The following CAMTA1 variants were observed in gnomAD, a reference collection of about 807,000 sequenced individuals.
CAMTA1 encodes calmodulin-binding transcription activator 1.
In CAMTA1, 27 loss-of-function variants were observed where a neutral mutation model predicts 170.9. The observed-to-expected ratio is 0.16, with a 90% CI of 0.12 to 0.22. The LOEUF is 0.22. Ranked by LOEUF, CAMTA1 falls within the 10% of genes least tolerant of loss-of-function variation. The pLI, the probability that CAMTA1 is intolerant of heterozygous loss-of-function variation, is 1.00. For missense variants in CAMTA1, 1,619 were observed against 2,217.2 expected (o/e 0.73, Z 5.42); for synonymous variants, 833 against 891.5 (o/e 0.93, Z 1.17).
Position 7,661,710 on chromosome 1 carries a change from G to C in CAMTA1, c.665-16G>C, listed in dbSNP as rs771326965. On this transcript the variant is annotated splice_polypyrimidine_tract_variant and intron_variant, in intron 7 of 22. Transcript: ENST00000303635. The stretch of plus-strand genomic sequence containing the variant: ...ACCCACGGGCTCTGACAGCCCCCCT[G>C]CCTCTCTCTTCACAGTCCATGGCAT... 7 of 1,613,744 alleles carry C rather than the reference G, an allele frequency of 4.3e-6. No individual in the cohort carries two copies. The South Asian group carries it at 7.7e-5, about 18-fold the overall frequency.
intron 3 of CAMTA1, among the ~76,000 whole-genome samples, chr1:6,899,612 A>T (rs571794974): frequency 1.3e-5 from 2 of 151,556 alleles, no homozygotes; most frequent in African/African-American, 4.8e-5. Flanking sequence ...ACTATCTCAT[A>T]ATAAAGTTGT....
intron 7 of CAMTA1, among the ~76,000 whole-genome samples, chr1:7,660,323 T>C (rs2149125156): frequency 6.6e-6 from 1 of 152,364 alleles, no homozygotes; most frequent in East Asian, 1.9e-4. Context: ...CACTTTGGCC[T>C]TCCAAAGTAT....
At chr1:7,104,223 CACA>C (rs1335419734) in intron 4 of CAMTA1, among the ~76,000 whole-genome samples, 9 of 146,932 alleles carry the variant, frequency 6.1e-5, no homozygotes, top group Admixed American at 2.0e-4. Flanking sequence ...GTACACACAA[CACA>C]ACTACACACG....
At chr1:7,355,369 A>C (rs2085026335) in intron 5 of CAMTA1, among the ~76,000 whole-genome samples, 1 of 152,168 alleles carries the variant, frequency 6.6e-6, no homozygotes. Context: ...TGGGCAACAG[A>C]GCAAGACCCT....
chr1:7,578,566 C>G (rs1028527462), intron 6 of CAMTA1, among the ~76,000 whole-genome samples: 1 of 152,204 alleles, frequency 6.6e-6, no homozygotes, highest in Non-Finnish European at 1.5e-5. Context: ...CTCCCATATC[C>G]GTGGCAATGG....
At position 6,917,486 on chromosome 1, in the gene CAMTA1, G is replaced by A. The variant is rs151331758; in HGVS notation, c.234+92276G>A. Among the ~76,000 whole-genome samples the A allele has an allele frequency of 2.5e-3, 379 of 151,908 alleles. 3 individuals are homozygous for A. Among genetic ancestry groups the A allele is most frequent in the South Asian group, 0.013 (61 of 4,804 alleles). Reference sequence around the variant, plus strand: ...TGGCCCAGAGTGTGGCAATGGAGCTGGAGAGAAGTGACAGATTCAAGAGAT... The same window carrying A: ...TGGCCCAGAGTGTGGCAATGGAGCTAGAGAGAAGTGACAGATTCAAGAGAT... On this transcript the variant is annotated intron_variant, in intron 3 of 22. Coordinates refer to ENST00000303635, the MANE Select transcript of CAMTA1 (RefSeq NM_015215.4).
chr1:7,489,556 T>C (rs1269084826), intron 6 of CAMTA1, among the ~76,000 whole-genome samples: 1 of 152,178 alleles, frequency 6.6e-6, no homozygotes, highest in Non-Finnish European at 1.5e-5. Context: ...GTGCTAGGGT[T>C]GCAGGGGTGA....
intron 11 of CAMTA1, among the ~76,000 whole-genome samples, chr1:7,715,265 G>A (rs1255063490): frequency 6.6e-6 from 1 of 152,118 alleles, no homozygotes; most frequent in Non-Finnish European, 1.5e-5. Context: ...AGGGATTCGA[G>A]AGAGAGGATC....
intron 11 of CAMTA1, among the ~76,000 whole-genome samples, chr1:7,695,020 T>C (rs114756001): frequency 0.015 from 2,268 of 152,298 alleles, 26 homozygotes; most frequent in Middle Eastern, 0.075. Flanking sequence ...AAATGCATCA[T>C]TGCTCTAATT....
At chr1:6,904,733 A>ATTTT (rs70984036) in intron 3 of CAMTA1, among the ~76,000 whole-genome samples, 25 of 70,994 alleles carry the variant, frequency 3.5e-4, no homozygotes, top group East Asian at 3.5e-3. Context: ...TGCCCAGCTA[A>ATTTT]TTTTTTTTTT....
intron 4 of CAMTA1, among the ~76,000 whole-genome samples, chr1:7,205,586 G>A (rs1243345313): frequency 3.3e-5 from 5 of 151,842 alleles, no homozygotes; most frequent in Non-Finnish European, 7.4e-5. Context: ...AAAGTCTATT[G>A]TATCTGACAT....
chr1:7,420,382 T>C (rs1250576553), intron 5 of CAMTA1, among the ~76,000 whole-genome samples: 2 of 152,166 alleles, frequency 1.3e-5, no homozygotes, highest in Non-Finnish European at 2.9e-5. Flanking sequence ...GTGCTGTGTT[T>C]ACTCATTTGT....
At position 7,064,473 on chromosome 1, in the gene CAMTA1, C is replaced by T. The variant is rs1440258494; in HGVS notation, c.235-26831C>T. 3.3e-5 allele frequency among the ~76,000 whole-genome samples: 5 copies of T among 152,148 alleles called. No individual in the cohort carries two copies. The highest frequency in any genetic ancestry group is 3.9e-4 in the East Asian group (2 of 5,182). On this transcript the variant is annotated intron_variant, in intron 3 of 22. Coordinates refer to ENST00000303635, the MANE Select transcript of CAMTA1 (RefSeq NM_015215.4). This position sits in a 1 kb window ranked among gnomAD's most constrained non-coding sequence, Gnocchi z 5.4. ...CATAGCAGTCAGTAAATAGATAAAG[C>T]GAATTTCCCTGGTGGGAAGTGCTGC... is the stretch of plus-strand genomic sequence containing the variant.
chr1:7,282,646 G>A (rs1328535255), intron 5 of CAMTA1, among the ~76,000 whole-genome samples: 1 of 152,126 alleles, frequency 6.6e-6, no homozygotes, highest in Non-Finnish European at 1.5e-5. Flanking sequence ...AGGACTCCAC[G>A]TGAAGGCTGA....
At chr1:7,638,657 G>T (rs938148442) in intron 6 of CAMTA1, among the ~76,000 whole-genome samples, 1 of 152,078 alleles carries the variant, frequency 6.6e-6, no homozygotes, top group Non-Finnish European at 1.5e-5. Flanking sequence ...AAAAAAAAAG[G>T]TTCAAGAAAT....
At position 7,534,208 on chromosome 1, in the gene CAMTA1, G is replaced by T. The variant is rs2094523574; in HGVS notation, c.510+66307G>T. 6.6e-6 allele frequency among the ~76,000 whole-genome samples: 1 copy of T among 152,186 alleles called. No individual in the cohort carries two copies. Among genetic ancestry groups the T allele is most frequent in the African/African-American group, 2.4e-5 (1 of 41,448 alleles). Reference sequence around the variant, plus strand: ...ATCACTTTTTAATTGCCTGAAGGAAGAAATCCATTAGTCTTTCCTTTCCGT... The same window carrying T: ...ATCACTTTTTAATTGCCTGAAGGAATAAATCCATTAGTCTTTCCTTTCCGT... On this transcript the variant is annotated intron_variant, in intron 6 of 22. Transcript: ENST00000303635. The surrounding 1 kb of genome is among the most constrained non-coding windows in gnomAD (Gnocchi z 5.6).
At chr1:7,498,013 T>C (rs1424553002) in intron 6 of CAMTA1, among the ~76,000 whole-genome samples, 1 of 151,922 alleles carries the variant, frequency 6.6e-6, no homozygotes, top group Non-Finnish European at 1.5e-5. Context: ...CCTTGGCATG[T>C]TGGGATGAGT....
intron 4 of CAMTA1, among the ~76,000 whole-genome samples, chr1:7,178,658 C>T (rs1400981924): frequency 6.6e-6 from 1 of 152,164 alleles, no homozygotes; most frequent in South Asian, 2.1e-4. Flanking sequence ...AAGGAACTCT[C>T]ACCCTGAATG....
At chr1:7,542,069 A>G (rs1031409232) in intron 6 of CAMTA1, among the ~76,000 whole-genome samples, 3 of 152,222 alleles carry the variant, frequency 2.0e-5, no homozygotes, top group African/African-American at 7.2e-5. Context: ...ATTTTTAATT[A>G]CAAAGGCAAA....
Sources: gnomAD v4.1 joint callset for allele counts (sites outside exome capture counted in the v4.1 genomes callset) on GRCh38, gnomAD v4.1.1 for gene constraint, Gnocchi (gnomAD v3.1) non-coding constraint, MANE v1.5 for transcripts, NCBI Gene and HGNC (gene_info 2026-07-23, HGNC 2026-07-21) for gene names.